Variants in PAK2 observed in about 807,000 individuals in gnomAD.
PAK2 encodes the protein serine/threonine-protein kinase PAK 2.
PAK2 carries 21 observed loss-of-function variants against 65.9 expected under a neutral mutation model. That is an observed-to-expected ratio of 0.32 (90% CI 0.23 to 0.46). The LOEUF (loss-of-function observed/expected upper bound fraction) is 0.46, where lower values mean the gene tolerates loss of function less well. PAK2 is among the 20% of genes least tolerant of loss of function. The probability of loss-of-function intolerance (pLI) is 1.00; values close to 1 mark genes in which losing one functional copy is unlikely to be tolerated. For missense variants in PAK2, 324 were observed against 642.6 expected, an observed-to-expected ratio of 0.50 and a Z score of 5.36; for synonymous variants, 204 against 219.7, an observed-to-expected ratio of 0.93 and a Z score of 0.63.
intron 2 of PAK2, among the ~76,000 whole-genome samples, chr3:196,797,544 G>A (rs1189896908): frequency 6.6e-6 from 1 of 151,866 alleles, no homozygotes; most frequent in Non-Finnish European, 1.5e-5. Context: ...ATGAGGTCAG[G>A]AGATCAAGAC....
intron 5 of PAK2, among the ~76,000 whole-genome samples, chr3:196,805,992 C>T (rs1044198429): frequency 5.9e-5 from 9 of 151,566 alleles, no homozygotes; most frequent in Admixed American, 2.6e-4. Context: ...GCTCACTGCA[C>T]GCACCGTCTT....
chr3:196,747,692 C>G (rs1713436520), intron 1 of PAK2, among the ~76,000 whole-genome samples: 1 of 152,018 alleles, frequency 6.6e-6, no homozygotes, highest in South Asian at 2.1e-4. Flanking sequence ...AATTTAATGA[C>G]TAAGATTATT....
intron 2 of PAK2, among the ~76,000 whole-genome samples, chr3:196,797,514 G>T (rs183262420): frequency 6.6e-6 from 1 of 151,608 alleles, no homozygotes; most frequent in African/African-American, 2.4e-5. Context: ...AGCACTTTGC[G>T]AGGCCGAAGT....
chr3:196,805,808 GT>G (rs1308716605), intron 5 of PAK2, among the ~76,000 whole-genome samples: 2 of 152,024 alleles, frequency 1.3e-5, no homozygotes, highest in African/African-American at 4.8e-5. Flanking sequence ...AACACAGTCA[GT>G]TTTTGGAAAC....
chr3:196,741,393 G>T (rs900062695), intron 1 of PAK2, among the ~76,000 whole-genome samples: 4 of 152,200 alleles, frequency 2.6e-5, no homozygotes, highest in African/African-American at 9.7e-5. Context: ...AAGGTCTGTG[G>T]CTTCTGTAAA....
intron 1 of PAK2, among the ~76,000 whole-genome samples, chr3:196,768,043 A>G (rs568181506): frequency 6.6e-6 from 1 of 152,206 alleles, no homozygotes; most frequent in East Asian, 1.9e-4. Flanking sequence ...GTGGTTGCAT[A>G]TCTGGAAAAT....
chr3:196,788,278 G>A (rs1714960662), intron 2 of PAK2, among the ~76,000 whole-genome samples: 1 of 152,028 alleles, frequency 6.6e-6, no homozygotes, highest in African/African-American at 2.4e-5. Context: ...ATGACCTTAA[G>A]ACTTTTGCCA....
intron 1 of PAK2, among the ~76,000 whole-genome samples, chr3:196,753,266 A>T (rs1487720599): frequency 2.0e-5 from 3 of 147,570 alleles, no homozygotes; most frequent in Non-Finnish European, 4.5e-5. Flanking sequence ...CTGAGAAAAA[A>T]ATCTTATAAT....
At chr3:196,783,046 A>G (rs527734397) in intron 2 of PAK2, among the ~76,000 whole-genome samples, 2 of 152,200 alleles carry the variant, frequency 1.3e-5, no homozygotes, top group Non-Finnish European at 2.9e-5. Flanking sequence ...GTTATGGCCA[A>G]TGAATTTCTA....
At chr3:196,766,962 G>GTGTA (rs1464615508) in intron 1 of PAK2, among the ~76,000 whole-genome samples, 1 of 144,440 alleles carries the variant, frequency 6.9e-6, no homozygotes, top group Non-Finnish European at 1.5e-5. Context: ...GTGTGTGTGT[G>GTGTA]TGTGTGTGTG....
chr3:196,829,128 A>G lies in PAK2; in HGVS notation c.*723A>G, dbSNP rs1418562073. 2 of 152,684 alleles carry G rather than the reference A, an allele frequency of 1.3e-5. No homozygotes were observed. Among genetic ancestry groups the G allele is most frequent in the Admixed American group, 6.5e-5 (1 of 15,284 alleles). The allele number at this position is 152,684 out of a possible 1,614,324, so 9.5% of individuals were successfully genotyped here. A position where few individuals can be genotyped will look rare whatever the true frequency, so the allele number is the denominator to read the frequency against. On this transcript the variant is annotated 3_prime_UTR_variant, in exon 15 of 15. Transcript: ENST00000327134. ...TATAGAGAGAAGACTAATAATCTCT[A>G]TTTATAACTAAATCATTGAGATAGA... is the stretch of plus-strand genomic sequence containing the variant.
intron 1 of PAK2, among the ~76,000 whole-genome samples, chr3:196,752,205 T>TACTCACCCTTAAATG (rs1161636801): frequency 3.9e-5 from 6 of 152,232 alleles, no homozygotes; most frequent in Non-Finnish European, 8.8e-5. Flanking sequence ...TTTTTAAGGG[T>TACTCACCCTTAAATG]GAGTAATACT....
intron 1 of PAK2, among the ~76,000 whole-genome samples, chr3:196,763,972 T>TG (rs1714072013): frequency 1.3e-5 from 2 of 150,798 alleles, no homozygotes; most frequent in South Asian, 4.2e-4. Flanking sequence ...CTATTTTTTT[T>TG]TTTTTTTGTA....
At chr3:196,801,838 AACAAAAG>A in intron 2 of PAK2, 82 bp from the exon 3 acceptor site, 2 of 733,790 alleles carry the variant, frequency 2.7e-6, no homozygotes, top group South Asian at 3.2e-5. Flanking sequence ...CATTTAAAAA[AACAAAAG>A]ACAAAAAATA....
Position 196,820,240 on chromosome 3 carries a change from A to T in PAK2, c.1154-131A>T, listed in dbSNP as rs1307213858. ...AATATTTTTAAACTCATTCTGGTTT[A>T]CTTTATTAATGAAATCTTTAAAAAC... On this transcript the variant is annotated intron_variant, in intron 12 of 14. Transcript: ENST00000327134. This position sits in a 1 kb window ranked among gnomAD's most constrained non-coding sequence, Gnocchi z 4.6. The T allele has an allele frequency of 1.2e-5, 5 of 432,664 alleles. No homozygotes were observed. In the East Asian group the frequency reaches 1.8e-4, roughly 16 times the overall value. 26.8% of individuals were successfully genotyped at this position (432,664 alleles called of 1,614,324 possible).
intron 4 of PAK2, among the ~76,000 whole-genome samples, chr3:196,804,457 G>A (rs1013486604): frequency 9.3e-5 from 14 of 149,976 alleles, no homozygotes; most frequent in Admixed American, 2.0e-4. Flanking sequence ...GTGCGCACGC[G>A]CGTGCGTGTG....
intron 1 of PAK2, among the ~76,000 whole-genome samples, chr3:196,741,140 C>A (rs1244528875): frequency 6.6e-6 from 1 of 152,076 alleles, no homozygotes; most frequent in South Asian, 2.1e-4. Context: ...ATGGTTAGGC[C>A]TAAAATTAAA....
intron 1 of PAK2, among the ~76,000 whole-genome samples, chr3:196,752,527 T>C (rs186018477): frequency 6.6e-6 from 1 of 152,314 alleles, no homozygotes; most frequent in Admixed American, 6.5e-5. Context: ...CACAGAATAT[T>C]GTTAATGTAT....
chr3:196,740,589 C>T (rs1026297024), intron 1 of PAK2, among the ~76,000 whole-genome samples: 3 of 152,304 alleles, frequency 2.0e-5, no homozygotes, highest in African/African-American at 7.2e-5. Context: ...TGCTCGCTCT[C>T]TGTTCACCCG....
Sources: gnomAD v4.1 joint callset for allele counts (sites outside exome capture counted in the v4.1 genomes callset) on GRCh38, gnomAD v4.1.1 for gene constraint, Gnocchi (gnomAD v3.1) non-coding constraint, MANE v1.5 for transcripts, NCBI Gene and HGNC (gene_info 2026-07-23, HGNC 2026-07-21) for gene names.